Variants in USP8 observed in about 807,000 individuals in gnomAD.
USP8 encodes ubiquitin carboxyl-terminal hydrolase 8.
A neutral mutation model predicts 130.0 loss-of-function variants in USP8; 27 were observed. The ratio of observed to expected loss-of-function variants is 0.21; its 90% CI spans 0.15 to 0.29. The LOEUF (loss-of-function observed/expected upper bound fraction) is 0.29, where lower values mean the gene tolerates loss of function less well. Ranked by LOEUF, USP8 falls within the 10% of genes least tolerant of loss-of-function variation. USP8 has a pLI of 1.00. For missense variants in USP8, 1,029 were observed against 1,312.2 expected (o/e 0.78, Z 3.33); for synonymous variants, 392 against 444.1 (o/e 0.88, Z 1.48).
intron 3 of USP8, among the ~76,000 whole-genome samples, chr15:50,447,517 A>G (rs993944829): frequency 7.9e-5 from 12 of 151,384 alleles, no homozygotes; most frequent in Admixed American, 7.9e-4. Context: ...CTGGGATTAC[A>G]TGTGTGAGCC....
intron 1 of USP8, among the ~76,000 whole-genome samples, chr15:50,425,137 T>G (rs150164599): frequency 0.011 from 1,659 of 152,340 alleles, 17 homozygotes; most frequent in Admixed American, 0.017. Flanking sequence ...CTCCTGGGTT[T>G]ATTTCTTGCC....
At chr15:50,471,319 G>C (rs1195573453) in intron 7 of USP8, among the ~76,000 whole-genome samples, 2 of 152,160 alleles carry the variant, frequency 1.3e-5, no homozygotes, top group South Asian at 2.1e-4. Context: ...TGAAAGAGGA[G>C]CTCAGATAAT....
chr15:50,457,867 A>G (rs2050844000), intron 4 of USP8, among the ~76,000 whole-genome samples: 2 of 149,308 alleles, frequency 1.3e-5, no homozygotes, highest in African/African-American at 4.9e-5. Context: ...TCTCAAAAAA[A>G]AAAAGAAAAG....
At chr15:50,426,773 T>C (rs2049741063) in intron 1 of USP8, 1 of 152,142 alleles carries the variant, frequency 6.6e-6, no homozygotes, top group Admixed American at 6.5e-5. Flanking sequence ...CAACATACTC[T>C]GTTGGTTAGA....
intron 4 of USP8, 93 bp from the exon 5 acceptor site, chr15:50,458,907 C>T: frequency 6.7e-7 from 1 of 1,492,662 alleles, no homozygotes; most frequent in Non-Finnish European, 9.2e-7. Flanking sequence ...TGAAATACCT[C>T]AAGGCAGGAT....
intron 1 of USP8, among the ~76,000 whole-genome samples, chr15:50,429,328 GTTATT>G (rs1355478283): frequency 7.0e-6 from 1 of 142,334 alleles, no homozygotes. Context: ...TTTTGGAGGT[GTTATT>G]TTAATTTCTC....
chr15:50,424,638 T>C (rs2049638530), intron 1 of USP8, 124 bp downstream of exon 1: 3 of 396,402 alleles, frequency 7.6e-6, no homozygotes, highest in Non-Finnish European at 1.3e-5. Flanking sequence ...CGGAGAGGAG[T>C]GGGACAACTC....
Position 50,510,495 on chromosome 15 carries a change from T to C in USP8, c.*11407T>C, listed in dbSNP as rs926414579. 1 of 152,110 alleles carries C rather than the reference T, an allele frequency of 6.6e-6. No homozygotes were observed. The highest frequency in any genetic ancestry group is 2.4e-5 in the African/African-American group (1 of 41,420). 9.4% of individuals were successfully genotyped at this position (152,110 alleles called of 1,614,324 possible). ...ACTAAAAAAAAAAACCTTGTGACAA[T>C]TGATATTTGAATATGAATCTATGAA... On this transcript the variant is annotated 3_prime_UTR_variant, in exon 20 of 20. Coordinates refer to ENST00000307179, the MANE Select transcript of USP8 (RefSeq NM_005154.5).
intron 17 of USP8, chr15:50,496,844 C>G: frequency 6.0e-6 from 2 of 334,622 alleles, no homozygotes; most frequent in Non-Finnish European, 1.1e-5. Context: ...TCTGATTGAC[C>G]AGGTTAGGGG....
In USP8 at chr15:50,471,811, TGTTA is replaced by T. The variant is rs1184628559; in HGVS notation, c.849+20_849+23del. ...ACTTTTCAAGGTTTGCAAGTTTCAT[TGTTA>T]GTTTATTGTAATTGCAGGGCATCTC... On this transcript the variant is annotated intron_variant, in intron 8 of 19. Transcript: ENST00000307179. The T allele has an allele frequency of 1.9e-5, 30 of 1,613,258 alleles. No individual in the cohort carries two copies. Among genetic ancestry groups the T allele is most frequent in the Non-Finnish European group, 2.5e-5 (30 of 1,179,758 alleles).
At chr15:50,493,830 A>T in intron 15 of USP8, 3 of 656,364 alleles carry the variant, frequency 4.6e-6, no homozygotes, top group Non-Finnish European at 8.4e-6. Context: ...GCTGTCATGA[A>T]CTGGAGCCTG....
intron 3 of USP8, chr15:50,444,480 A>G (rs1343378626): frequency 1.3e-5 from 2 of 151,924 alleles, no homozygotes; most frequent in African/African-American, 4.8e-5. Flanking sequence ...TTCTATGACA[A>G]AATTGGGAAT....
chr15:50,506,741 C>A lies in USP8; in HGVS notation c.*7653C>A, dbSNP rs1031970100. 9.2e-5 allele frequency: 14 copies of A among 151,922 alleles called. No individual in the cohort carries two copies. The highest frequency in any genetic ancestry group is 3.1e-4 in the African/African-American group (13 of 41,332). 9.4% of individuals were successfully genotyped at this position (151,922 alleles called of 1,614,324 possible). On this transcript the variant is annotated 3_prime_UTR_variant, in exon 20 of 20. Transcript: ENST00000307179. Reference sequence around the variant, plus strand: ...TGGGGAGGCCGAGGGGGGCGGATCACGAGGTCAGGAGATCAAGACTATCCT... The same window carrying A: ...TGGGGAGGCCGAGGGGGGCGGATCAAGAGGTCAGGAGATCAAGACTATCCT...
At chr15:50,431,351 C>T (rs1041606153) in intron 1 of USP8, among the ~76,000 whole-genome samples, 2 of 152,136 alleles carry the variant, frequency 1.3e-5, no homozygotes, top group Admixed American at 1.3e-4. Context: ...ATTTGACCAT[C>T]TTGAGATAAT....
Position 50,462,287 on chromosome 15 carries a change from G to A in USP8, c.506G>A (p.Gly169Asp). The change falls in exon 6 of 20, where the codon GGT becomes GAT. Residue 169 changes from glycine to aspartate, a missense_variant. Gly to Asp is a moderately conservative substitution (Grantham distance 94). This residue lies in a region of USP8 where 281 missense variants were observed against 336.7 expected (regional missense o/e 0.83). Transcript: ENST00000307179. The stretch of plus-strand genomic sequence containing the variant: ...TTTTTTCCTATGCAATAGAGCAATG[G>A]TGAAAAGAATGAAAAATGTGAGACC... ...DSKDKTQKSN[G>D]EKNEKCETKE... is the part of the protein sequence containing the mutation. The A allele has an allele frequency of 6.2e-7, 1 of 1,601,624 alleles. No homozygotes were observed. Among genetic ancestry groups the A allele is most frequent in the Admixed American group, 1.8e-5 (1 of 56,508 alleles).
At chr15:50,469,615 C>T (rs2051308763) in intron 7 of USP8, among the ~76,000 whole-genome samples, 1 of 151,988 alleles carries the variant, frequency 6.6e-6, no homozygotes, top group South Asian at 2.1e-4. Context: ...GATACAGTAA[C>T]CAACATTATT....
chr15:50,493,360 A>T (rs1436994863), intron 15 of USP8: 3 of 519,908 alleles, frequency 5.8e-6, no homozygotes, highest in Non-Finnish European at 1.2e-5. Flanking sequence ...GAATAATTTC[A>T]TGTTGACATC....
In USP8 at chr15:50,492,963, A is replaced by G. The variant is rs1022988943; in HGVS notation, c.2447+50A>G. The G allele has an allele frequency of 2.0e-6, 3 of 1,510,986 alleles. No individual in the cohort carries two copies. In the African/African-American group the frequency reaches 4.1e-5, roughly 21 times the overall value. 93.6% of individuals were successfully genotyped at this position (1,510,986 alleles called of 1,614,324 possible). On this transcript the variant is annotated intron_variant, in intron 15 of 19. Transcript: ENST00000307179. ...ATTATAATGCTAAAAGGATGATCTA[A>G]CCATATTTACTGTCTTAGTCCATTA... is the stretch of plus-strand genomic sequence containing the variant.
chr15:50,427,625 A>T (rs4775883), intron 1 of USP8, among the ~76,000 whole-genome samples: 21,523 of 128,366 alleles, frequency 0.17, 1,970 homozygotes, highest in Middle Eastern at 0.37. Context: ...TGCAGTGGTG[A>T]GTTCTCGGCT....
Sources: allele counts gnomAD v4.1 joint callset (sites outside exome capture counted in the v4.1 genomes callset), GRCh38; gene constraint gnomAD v4.1.1; regional missense constraint gnomAD v4.1.1; transcripts MANE v1.5; gene names NCBI Gene and HGNC (gene_info 2026-07-23, HGNC 2026-07-21).